EBF2: variants seen among roughly 807,000 people sequenced by gnomAD.
EBF2 encodes the protein EBF transcription factor 2, also known as transcription factor COE2.
A neutral mutation model predicts 72.8 loss-of-function variants in EBF2; 21 were observed. That is an observed-to-expected ratio of 0.29 (90% CI 0.20 to 0.42). The LOEUF is 0.42. Among genes scored for constraint, EBF2 ranks in the 10% least tolerant of loss-of-function variants. The pLI, the probability that EBF2 is intolerant of heterozygous loss-of-function variation, is 1.00. For missense variants in EBF2, 637 were observed against 731.2 expected (o/e 0.87, Z 1.49); for synonymous variants, 299 against 274.2 (o/e 1.09, Z -0.89).
Position 25,844,348 on chromosome 8 carries a change from A to G in EBF2, c.*261T>C, listed in dbSNP as rs1801789498. ...AGGTGGTTTTCATAATGTTCATAACAAAGAATTGCATTTCTGCTCTTAGCA... is the reference window on the plus strand; with the variant it reads ...AGGTGGTTTTCATAATGTTCATAACGAAGAATTGCATTTCTGCTCTTAGCA... On this transcript the variant is annotated 3_prime_UTR_variant, in exon 16 of 16. Coordinates refer to ENST00000520164, the MANE Select transcript of EBF2 (RefSeq NM_022659.4). 1 of 364,114 alleles carries G rather than the reference A, an allele frequency of 2.7e-6. No individual in the cohort carries two copies. The highest frequency in any genetic ancestry group is 5.0e-6 in the Non-Finnish European group (1 of 201,150). 22.6% of individuals were successfully genotyped at this position (364,114 alleles called of 1,614,324 possible).
intron 10 of EBF2, among the ~76,000 whole-genome samples, chr8:25,879,419 A>G (rs1802570162): frequency 6.6e-6 from 1 of 152,186 alleles, no homozygotes; most frequent in African/African-American, 2.4e-5. Flanking sequence ...TAGAAGTAGA[A>G]TTGCTGGGTC....
chr8:25,978,595 A>G (rs1334669039), intron 6 of EBF2, among the ~76,000 whole-genome samples: 1 of 152,150 alleles, frequency 6.6e-6, no homozygotes, highest in Non-Finnish European at 1.5e-5. Flanking sequence ...TGAGCCCCAC[A>G]TGAATGAAAG....
At chr8:25,982,781 A>G (rs1214274307) in intron 6 of EBF2, among the ~76,000 whole-genome samples, 1 of 152,154 alleles carries the variant, frequency 6.6e-6, no homozygotes, top group Non-Finnish European at 1.5e-5. Context: ...TGGTTTTCAC[A>G]CTATAGAACC....
In EBF2 at chr8:25,897,997, T is replaced by C. The variant is rs138602395; in HGVS notation, c.634-8128A>G. Among the ~76,000 whole-genome samples, 403 of 152,310 alleles carry C rather than the reference T, an allele frequency of 2.6e-3. 3 individuals carry two copies. Among genetic ancestry groups the C allele is most frequent in the Non-Finnish European group, 2.5e-3 (168 of 68,010 alleles). ...TTTCCATCAGTCACTGGGTATTTAT[T>C]GAGACCCCTAGGCGCTCTGCTACAT... On this transcript the variant is annotated intron_variant, in intron 7 of 15. Transcript: ENST00000520164.
At chr8:26,041,997 A>G in intron 2 of EBF2, 98 bp downstream of exon 2, 2 of 1,501,820 alleles carry the variant, frequency 1.3e-6, no homozygotes, top group South Asian at 2.6e-5. Context: ...CCTGATGGTG[A>G]GAGTGGAAAA....
At chr8:26,000,568 C>G (rs1271212339) in intron 6 of EBF2, among the ~76,000 whole-genome samples, 2 of 152,162 alleles carry the variant, frequency 1.3e-5, no homozygotes, top group Non-Finnish European at 2.9e-5. Flanking sequence ...GGTTCTGTAA[C>G]CCCTAATAAA....
At chr8:25,996,671 GC>G (rs1268679750) in intron 6 of EBF2, among the ~76,000 whole-genome samples, 2 of 151,874 alleles carry the variant, frequency 1.3e-5, no homozygotes, top group African/African-American at 4.8e-5. Flanking sequence ...CCCACAGAAA[GC>G]AGAATAATGG....
chr8:25,962,072 G>C (rs1804043674), intron 6 of EBF2, among the ~76,000 whole-genome samples: 1 of 152,110 alleles, frequency 6.6e-6, no homozygotes, highest in Admixed American at 6.5e-5. Flanking sequence ...AACAAGGAGG[G>C]GGCCAGGGAG....
intron 6 of EBF2, among the ~76,000 whole-genome samples, chr8:25,983,722 G>A (rs1376056447): frequency 2.6e-5 from 4 of 152,312 alleles, no homozygotes; most frequent in African/African-American, 9.6e-5. Flanking sequence ...CTCATCAGGG[G>A]CCTCGCTGCT....
intron 7 of EBF2, among the ~76,000 whole-genome samples, chr8:25,893,271 ATTT>A (rs201829098): frequency 3.1e-4 from 35 of 111,436 alleles, no homozygotes; most frequent in African/African-American, 1.2e-3. Flanking sequence ...TAATTCTTCC[ATTT>A]TTTTTTTTTT....
intron 6 of EBF2, among the ~76,000 whole-genome samples, chr8:25,939,103 A>T (rs905379162): frequency 6.6e-6 from 1 of 152,062 alleles, no homozygotes; most frequent in Non-Finnish European, 1.5e-5. Flanking sequence ...AAAATCAAAA[A>T]CTAAAAAATC....
chr8:25,985,948 G>C (rs1285697354), intron 6 of EBF2, among the ~76,000 whole-genome samples: 3 of 120,504 alleles, frequency 2.5e-5, no homozygotes, highest in African/African-American at 9.6e-5. Context: ...GCCGCAGTAA[G>C]TTGTGATCAC....
Position 25,936,116 on chromosome 8 carries a change from T to A in EBF2, c.552-27561A>T, listed in dbSNP as rs558436017. Among the ~76,000 whole-genome samples, 171 of 152,168 alleles carry A rather than the reference T, an allele frequency of 1.1e-3. 2 individuals are homozygous for A. The highest frequency in any genetic ancestry group is 4.0e-3 in the African/African-American group (167 of 41,504). On this transcript the variant is annotated intron_variant, in intron 6 of 15. Transcript: ENST00000520164. ...GAGTAGAGAAGAGTATGCTATGAAA[T>A]CATGTGGAAGCAAAACAGGCTAATT...
At position 25,883,508 on chromosome 8, in the gene EBF2, C is replaced by T. The variant is rs149932662; in HGVS notation, c.1009+3247G>A. 2.4e-4 allele frequency among the ~76,000 whole-genome samples: 36 copies of T among 151,496 alleles called. No homozygotes were observed. The East Asian group carries it at 5.6e-3, about 24-fold the overall frequency. On this transcript the variant is annotated intron_variant, in intron 10 of 15. Transcript: ENST00000520164. Reference sequence around the variant, plus strand: ...TTATTGATTTTGTGTGTTTAGAGCACGTGTTTGTTGAGTAAATAAATGGGT... The same window carrying T: ...TTATTGATTTTGTGTGTTTAGAGCATGTGTTTGTTGAGTAAATAAATGGGT...
intron 6 of EBF2, among the ~76,000 whole-genome samples, chr8:25,924,627 T>C (rs1803356376): frequency 6.6e-6 from 1 of 152,208 alleles, no homozygotes; most frequent in Non-Finnish European, 1.5e-5. Flanking sequence ...ACTAAATCAA[T>C]TTAATATCAA....
At chr8:25,951,293 G>A (rs866020321) in intron 6 of EBF2, among the ~76,000 whole-genome samples, 93 of 152,080 alleles carry the variant, frequency 6.1e-4, no homozygotes, top group African/African-American at 2.1e-3. Flanking sequence ...CTGGCTAGAC[G>A]GGAGCCTGAG....
At chr8:26,008,707 TTTA>T (rs1359404574) in intron 6 of EBF2, among the ~76,000 whole-genome samples, 1 of 147,722 alleles carries the variant, frequency 6.8e-6, no homozygotes, top group East Asian at 2.0e-4. Flanking sequence ...ATCTTTGCTT[TTTA>T]TATCCCAGGC....
intron 10 of EBF2, among the ~76,000 whole-genome samples, chr8:25,863,858 C>T (rs1017743072): frequency 1.3e-5 from 2 of 152,132 alleles, no homozygotes; most frequent in South Asian, 2.1e-4. Flanking sequence ...TATACACATA[C>T]TTAAAATTAT....
chr8:26,036,942 C>T (rs1295401835), intron 5 of EBF2, among the ~76,000 whole-genome samples: 2 of 151,724 alleles, frequency 1.3e-5, no homozygotes, highest in Non-Finnish European at 2.9e-5. Flanking sequence ...GAAGAGGAAA[C>T]TGAGCTTGGC....
Sources: allele counts gnomAD v4.1 joint callset (sites outside exome capture counted in the v4.1 genomes callset), GRCh38; gene constraint gnomAD v4.1.1; transcripts MANE v1.5; gene names NCBI Gene and HGNC (gene_info 2026-07-23, HGNC 2026-07-21).